Variants in MAN2A1 observed in about 807,000 individuals in gnomAD.
The protein encoded by MAN2A1 is alpha-mannosidase 2.
Under a neutral mutation model 142.6 loss-of-function variants are expected in MAN2A1, and 76 were observed. The observed-to-expected ratio is 0.53, with a 90% CI of 0.44 to 0.65. The LOEUF (loss-of-function observed/expected upper bound fraction) is 0.65, where lower values mean the gene tolerates loss of function less well. Among genes scored for constraint, MAN2A1 ranks in the 30% least tolerant of loss-of-function variants. MAN2A1 has a pLI of 0.00. For missense variants in MAN2A1, 1,311 were observed against 1,365.1 expected (o/e 0.96, Z 0.62); for synonymous variants, 559 against 473.2 (o/e 1.18, Z -2.35).
rs1331266174 is a variant in MAN2A1 at position 109,767,818 on chromosome 5, G to C, written c.1009+110G>C. On this transcript the variant is annotated intron_variant, in intron 6 of 21. Transcript: ENST00000261483. ...GTTCACTGTCAGTCTTGAAAAATCA[G>C]GTGGCCTAAAGATAGTCACTCTCGT... 5.7e-6 allele frequency: 5 copies of C among 878,884 alleles called. No individual in the cohort carries two copies. In the African/African-American group the frequency reaches 8.4e-5, roughly 15 times the overall value. 54.4% of individuals were successfully genotyped at this position (878,884 alleles called of 1,614,324 possible).
chr5:109,864,765 C>A, intron 20 of MAN2A1: 1 of 384,646 alleles, frequency 2.6e-6, no homozygotes, highest in Non-Finnish European at 4.7e-6. Flanking sequence ...ATAAGGAAAC[C>A]TAAGTCCTCG....
intron 7 of MAN2A1, 130 bp from the exon 8 acceptor site, chr5:109,774,658 T>A (rs945621789): frequency 7.4e-5 from 49 of 663,558 alleles, no homozygotes; most frequent in Non-Finnish European, 8.7e-5. Flanking sequence ...TGCAGATAGA[T>A]AAAATATACA....
At chr5:109,783,857 A>G (rs1411365397) in intron 9 of MAN2A1, among the ~76,000 whole-genome samples, 2 of 151,990 alleles carry the variant, frequency 1.3e-5, no homozygotes, top group South Asian at 2.1e-4. Flanking sequence ...CCTTTAAAAT[A>G]TACTACAAAG....
At chr5:109,847,855 T>G in intron 19 of MAN2A1, 65 bp downstream of exon 19, 1 of 1,251,648 alleles carries the variant, frequency 8.0e-7, no homozygotes. Flanking sequence ...CTTGAAATTA[T>G]GACTTTCCAC....
At chr5:109,849,702 GT>G (rs1193668451) in intron 19 of MAN2A1, among the ~76,000 whole-genome samples, 78 of 143,396 alleles carry the variant, frequency 5.4e-4, no homozygotes, top group Admixed American at 2.8e-3. Flanking sequence ...AGGCAGAATG[GT>G]TTTTTTTTTT....
At chr5:109,736,704 T>C (rs966969994) in intron 4 of MAN2A1, among the ~76,000 whole-genome samples, 13 of 152,304 alleles carry the variant, frequency 8.5e-5, no homozygotes, top group South Asian at 8.3e-4. Context: ...TTTCTTCATT[T>C]TGATTTACTT....
intron 4 of MAN2A1, among the ~76,000 whole-genome samples, chr5:109,734,935 T>G (rs1424431991): frequency 1.3e-5 from 2 of 152,346 alleles, no homozygotes; most frequent in African/African-American, 2.4e-5. Flanking sequence ...TTGTTAACTT[T>G]CTGCCTCATT....
intron 12 of MAN2A1, among the ~76,000 whole-genome samples, chr5:109,803,951 G>C (rs1311605930): frequency 1.3e-5 from 2 of 152,068 alleles, no homozygotes; most frequent in Non-Finnish European, 2.9e-5. Flanking sequence ...TACTTCAGTA[G>C]CTTATTGTTT....
intron 4 of MAN2A1, among the ~76,000 whole-genome samples, chr5:109,731,371 ATTATTATAC>A (rs1026092639): frequency 3.4e-5 from 4 of 117,424 alleles, no homozygotes; most frequent in Admixed American, 8.1e-5. Context: ...TTTTATTATT[ATTATTATAC>A]TTTAAGTTTT....
At chr5:109,761,644 A>G (rs978515835) in intron 5 of MAN2A1, among the ~76,000 whole-genome samples, 1 of 151,978 alleles carries the variant, frequency 6.6e-6, no homozygotes, top group Non-Finnish European at 1.5e-5. Flanking sequence ...TTTTTAATGT[A>G]CTACATTTGT....
intron 10 of MAN2A1, among the ~76,000 whole-genome samples, chr5:109,787,510 T>C (rs1432270020): frequency 6.6e-6 from 1 of 152,030 alleles, no homozygotes; most frequent in Non-Finnish European, 1.5e-5. Flanking sequence ...CTGTGTTTCA[T>C]TTTGTTTTGT....
chr5:109,830,172 A>G (rs933646037), intron 16 of MAN2A1, among the ~76,000 whole-genome samples: 1 of 152,178 alleles, frequency 6.6e-6, no homozygotes, highest in Non-Finnish European at 1.5e-5. Context: ...ATCCATGCAT[A>G]GTTTTTTCAT....
chr5:109,847,073 G>C (rs1300745134), intron 18 of MAN2A1, among the ~76,000 whole-genome samples: 4 of 152,110 alleles, frequency 2.6e-5, no homozygotes, highest in Admixed American at 2.0e-4. Flanking sequence ...GTAAAATATT[G>C]ATACAATTTT....
At chr5:109,732,123 C>T (rs1751931892) in intron 4 of MAN2A1, among the ~76,000 whole-genome samples, 3 of 151,452 alleles carry the variant, frequency 2.0e-5, no homozygotes, top group Non-Finnish European at 1.5e-5. Context: ...TGATGGTGAG[C>T]ATTTTTTCAT....
intron 4 of MAN2A1, among the ~76,000 whole-genome samples, chr5:109,743,376 C>T (rs1582849416): frequency 6.6e-6 from 1 of 152,146 alleles, no homozygotes; most frequent in East Asian, 1.9e-4. Context: ...GAGATAAGCA[C>T]TCGTTTAATT....
intron 13 of MAN2A1, among the ~76,000 whole-genome samples, chr5:109,818,509 G>T (rs989252496): frequency 2.6e-5 from 4 of 152,032 alleles, no homozygotes; most frequent in Admixed American, 2.6e-4. Context: ...GGAAAGCAGG[G>T]GTCATGTCTT....
intron 8 of MAN2A1, among the ~76,000 whole-genome samples, chr5:109,779,745 C>T (rs574439304): frequency 5.9e-4 from 89 of 152,006 alleles, no homozygotes; most frequent in Non-Finnish European, 6.9e-4. Flanking sequence ...TGATTGTTCC[C>T]ATTGTAGATG....
chr5:109,820,251 A>C lies in MAN2A1; in HGVS notation c.2360A>C (p.His787Pro). 1 of 1,610,744 alleles carries C rather than the reference A, an allele frequency of 6.2e-7. No individual in the cohort carries two copies. The highest frequency in any genetic ancestry group is 8.5e-7 in the Non-Finnish European group (1 of 1,177,462). ...QMMTKEDGKHHEVNVQFSWYG... is the reference protein window; with the variant it reads ...QMMTKEDGKHPEVNVQFSWYG... Reference sequence around the variant, plus strand: ...ATGACTAAAGAAGATGGTAAACACCATGAAGTAAATGTGCAATTTTCATGG... The same window carrying C: ...ATGACTAAAGAAGATGGTAAACACCCTGAAGTAAATGTGCAATTTTCATGG... Residue 787 changes from histidine (H) to proline (P), a missense_variant, in exon 15 of 22, where the codon CAT (histidine) becomes CCT (proline). His to Pro is a moderately conservative substitution (Grantham distance 77). Coordinates refer to ENST00000261483, the MANE Select transcript of MAN2A1 (RefSeq NM_002372.4).
In MAN2A1 at chr5:109,847,681, G is replaced by C; in HGVS notation, c.2867G>C (p.Arg956Pro). Residue 956 changes from arginine to proline, a missense_variant, in exon 19 of 22, where the codon CGA becomes CCA. Around this residue, in one of 3 missense-constraint regions of MAN2A1, gnomAD observed 890 missense variants for 920.5 expected, o/e 0.97. Coordinates refer to ENST00000261483, the MANE Select transcript of MAN2A1 (RefSeq NM_002372.4). Reference sequence around the variant, plus strand: ...GGTCAGATTGAAGTTATCATGGATCGAAGACTCATGCAAGATGATAATCGT... The same window carrying C: ...GGTCAGATTGAAGTTATCATGGATCCAAGACTCATGCAAGATGATAATCGT... Reference protein sequence around the residue: ...NSGQIEVIMDRRLMQDDNRGL... With the variant: ...NSGQIEVIMDPRLMQDDNRGL... 6 of 1,580,770 alleles carry C rather than the reference G, an allele frequency of 3.8e-6. No homozygotes were observed. The highest frequency in any genetic ancestry group is 5.2e-6 in the Non-Finnish European group (6 of 1,163,840).
Sources: allele counts gnomAD v4.1 joint callset (sites outside exome capture counted in the v4.1 genomes callset), GRCh38; gene constraint gnomAD v4.1.1; regional missense constraint gnomAD v4.1.1; transcripts MANE v1.5; gene names NCBI Gene and HGNC (gene_info 2026-07-23, HGNC 2026-07-21).